Variants in ZFYVE9 observed in about 807,000 individuals in gnomAD.
The protein encoded by ZFYVE9 is zinc finger FYVE-type containing 9, also known as zinc finger FYVE domain-containing protein 9.
Under a neutral mutation model 126.7 loss-of-function variants are expected in ZFYVE9, and 43 were observed. The observed-to-expected ratio is 0.34, with a 90% CI of 0.27 to 0.44. The LOEUF (loss-of-function observed/expected upper bound fraction) is 0.44. Among genes scored for constraint, ZFYVE9 ranks in the 20% least tolerant of loss-of-function variants. ZFYVE9 has a pLI of 1.00. For synonymous variants in ZFYVE9, 521 were observed against 597.4 expected (o/e 0.87, Z 1.87); for missense variants, 1,476 against 1,697.0 (o/e 0.87, Z 2.29).
At chr1:52,296,008 T>C in intron 12 of ZFYVE9, 31 bp downstream of exon 12, 7 of 1,588,078 alleles carry the variant, frequency 4.4e-6, no homozygotes, top group Non-Finnish European at 6.0e-6. Flanking sequence ...CCTTTGTCCT[T>C]ACTGGAGTTT....
chr1:52,172,025 T>C (rs1014212987), intron 1 of ZFYVE9, among the ~76,000 whole-genome samples: 1 of 152,110 alleles, frequency 6.6e-6, no homozygotes, highest in African/African-American at 2.4e-5. Flanking sequence ...TTTGTCAATT[T>C]TGGCTTTTGT....
chr1:52,295,255 A>T (rs1645961865), intron 11 of ZFYVE9, among the ~76,000 whole-genome samples: 1 of 151,116 alleles, frequency 6.6e-6, no homozygotes, highest in African/African-American at 2.4e-5. Flanking sequence ...TCTTAAACTT[A>T]TTGAGCACAG....
intron 13 of ZFYVE9, among the ~76,000 whole-genome samples, chr1:52,324,255 AC>A (rs1646269542): frequency 9.0e-4 from 2 of 2,226 alleles, no homozygotes; most frequent in Non-Finnish European, 7.4e-3. Flanking sequence ...TCTCAAAAAC[AC>A]ACACACACAC....
At chr1:52,150,902 A>G (rs1276611900) in intron 1 of ZFYVE9, among the ~76,000 whole-genome samples, 3 of 152,126 alleles carry the variant, frequency 2.0e-5, no homozygotes, top group African/African-American at 7.2e-5. Context: ...AGTCCCTAAA[A>G]GGTAATTAAA....
chr1:52,182,046 C>A (rs1267426597), intron 1 of ZFYVE9, among the ~76,000 whole-genome samples: 6 of 148,058 alleles, frequency 4.1e-5, no homozygotes, highest in African/African-American at 1.3e-4. Flanking sequence ...GGGAGGGAGG[C>A]GAGGGGGTCA....
rs200077137 is a variant in ZFYVE9 at position 52,162,127 on chromosome 1, A to G, written c.-143+19724A>G. The G allele has an allele frequency of 3.7e-5, 6 of 161,940 alleles. No homozygotes were observed. In the East Asian group the frequency reaches 1.1e-3, roughly 29 times the overall value. The allele number at this position is 161,940 out of a possible 1,614,324, so 10.0% of individuals were successfully genotyped here. A position where few individuals can be genotyped will look rare whatever the true frequency, so the allele number is the denominator to read the frequency against. On this transcript the variant is annotated intron_variant, in intron 1 of 18. Coordinates refer to ENST00000287727, the MANE Select transcript of ZFYVE9 (RefSeq NM_004799.4). ...TCCAGAATTAAAAAAAAAAAAGGAG[A>G]GGAAAAAGAAAATAAAGAGGAAAAA...
At chr1:52,197,208 G>T (rs1474634428) in intron 1 of ZFYVE9, among the ~76,000 whole-genome samples, 1 of 152,146 alleles carries the variant, frequency 6.6e-6, no homozygotes, top group Non-Finnish European at 1.5e-5. Flanking sequence ...CATTAAATGA[G>T]AACATGATTT....
Position 52,332,810 on chromosome 1 carries a change from G to A in ZFYVE9, c.3481G>A (p.Gly1161Arg), listed in dbSNP as rs755702077. 7.4e-6 allele frequency: 12 copies of A among 1,614,018 alleles called. No homozygotes were observed. Among genetic ancestry groups the A allele is most frequent in the Non-Finnish European group, 1.0e-5 (12 of 1,180,034 alleles). The change falls in exon 14 of 19, where the codon GGA becomes AGA. Residue 1161 changes from glycine to arginine, a missense_variant. Transcript: ENST00000287727. Reference protein sequence around the residue: ...MNKSNEHVLAGGACFNEKADS... With the variant: ...MNKSNEHVLARGACFNEKADS... ...CAAGTCCAATGAGCATGTCCTGGCAGGAGGTGCCTGCTTCAATGAAAAGGC... is the reference window on the plus strand; with the variant it reads ...CAAGTCCAATGAGCATGTCCTGGCAAGAGGTGCCTGCTTCAATGAAAAGGC...
intron 1 of ZFYVE9, among the ~76,000 whole-genome samples, chr1:52,149,862 T>C (rs999601895): frequency 6.6e-6 from 1 of 152,224 alleles, no homozygotes; most frequent in Non-Finnish European, 1.5e-5. Flanking sequence ...TTGGATGATA[T>C]AGTTTCCGTA....
At chr1:52,225,239 C>T (rs183338251) in intron 2 of ZFYVE9, among the ~76,000 whole-genome samples, 93 of 152,268 alleles carry the variant, frequency 6.1e-4, no homozygotes, top group African/African-American at 2.0e-3. Flanking sequence ...CGGATTTATT[C>T]GTCACTTTGG....
intron 1 of ZFYVE9, among the ~76,000 whole-genome samples, chr1:52,165,677 A>T (rs964390485): frequency 6.6e-6 from 1 of 152,182 alleles, no homozygotes; most frequent in Non-Finnish European, 1.5e-5. Context: ...TCTGCTGTTA[A>T]TAGAGGTTTT....
At chr1:52,144,461 G>A (rs576198831) in intron 1 of ZFYVE9, among the ~76,000 whole-genome samples, 6 of 152,120 alleles carry the variant, frequency 3.9e-5, no homozygotes, top group Non-Finnish European at 8.8e-5. Flanking sequence ...TAGGGATGAC[G>A]ATGGCCCAAA....
intron 1 of ZFYVE9, among the ~76,000 whole-genome samples, chr1:52,149,683 C>CG (rs1342378681): frequency 6.6e-6 from 1 of 152,040 alleles, no homozygotes; most frequent in Non-Finnish European, 1.5e-5. Flanking sequence ...TTAGTAGAGA[C>CG]GGGGTTTCAC....
intron 4 of ZFYVE9, among the ~76,000 whole-genome samples, chr1:52,247,348 C>T (rs1645396319): frequency 6.6e-6 from 1 of 152,092 alleles, no homozygotes; most frequent in Non-Finnish European, 1.5e-5. Context: ...ATCTAGTCTG[C>T]TGATACATTC....
In ZFYVE9 at chr1:52,157,394, CTTTTTTTTT is replaced by C. The variant is rs71579908; in HGVS notation, c.-143+15007_-143+15015del. Among the ~76,000 whole-genome samples, 19 of 58,446 alleles carry C rather than the reference CTTTTTTTTT, an allele frequency of 3.3e-4. No homozygotes were observed. In the Admixed American group the frequency reaches 5.6e-3, roughly 17 times the overall value. 38.3% of individuals were successfully genotyped at this position (58,446 alleles called of 152,430 possible). A position where few individuals can be genotyped will look rare whatever the true frequency, so the allele number is the denominator to read the frequency against. ...TTTTTTCCTTATGGCACCATATTCT[CTTTTTTTTT>C]TTTTTTTTTTTTTTTGAGATGGAGT... is the stretch of plus-strand genomic sequence containing the variant. On this transcript the variant is annotated intron_variant, in intron 1 of 18. Coordinates refer to ENST00000287727, the MANE Select transcript of ZFYVE9 (RefSeq NM_004799.4).
At chr1:52,253,675 A>G in intron 4 of ZFYVE9, 1 of 1,598,712 alleles carries the variant, frequency 6.3e-7, no homozygotes, top group Non-Finnish European at 8.6e-7. Context: ...GTTGGAAAAG[A>G]CTGGAACAGT....
chr1:52,170,016 AT>A (rs1200801454), intron 1 of ZFYVE9, among the ~76,000 whole-genome samples: 1 of 152,158 alleles, frequency 6.6e-6, no homozygotes, highest in Non-Finnish European at 1.5e-5. Context: ...CCTTTTGCAG[AT>A]TTTACTTAAG....
At chr1:52,312,527 T>G (rs1343111903) in intron 13 of ZFYVE9, among the ~76,000 whole-genome samples, 1 of 152,172 alleles carries the variant, frequency 6.6e-6, no homozygotes, top group Non-Finnish European at 1.5e-5. Flanking sequence ...TGGGAGCATC[T>G]TTTTGGGCCT....
At position 52,215,718 on chromosome 1, in the gene ZFYVE9, T is replaced by C. The variant is rs571279530; in HGVS notation, c.-142-651T>C. On this transcript the variant is annotated intron_variant, in intron 1 of 18. Transcript: ENST00000287727. ...AGAATTTTACATTGTCTCTAAGCAG[T>C]TATAGTTGGGCTACCATAACTTAAT... 3.3e-5 allele frequency among the ~76,000 whole-genome samples: 5 copies of C among 152,296 alleles called. No individual in the cohort carries two copies. In the East Asian group the frequency reaches 9.6e-4, roughly 29 times the overall value.
Sources: allele counts gnomAD v4.1 joint callset (sites outside exome capture counted in the v4.1 genomes callset), GRCh38; gene constraint gnomAD v4.1.1; transcripts MANE v1.5; gene names NCBI Gene and HGNC (gene_info 2026-07-23, HGNC 2026-07-21).